MLLT11: variants seen among roughly 807,000 people sequenced by gnomAD.
MLLT11 encodes protein AF1q.
Under a neutral mutation model 5.3 loss-of-function variants are expected in MLLT11, and 1 was observed. That is an observed-to-expected ratio of 0.19 (90% CI 0.07 to 0.89). The LOEUF is 0.89. Among genes scored for constraint, MLLT11 ranks in the 40% least tolerant of loss-of-function variants. The pLI is 0.67. For synonymous variants in MLLT11, 38 were observed against 41.7 expected (o/e 0.91, Z 0.34); for missense variants, 87 against 107.3 (o/e 0.81, Z 0.83).
At chr1:151,063,489 T>C (rs1676434208) in intron 1 of MLLT11, among the ~76,000 whole-genome samples, 1 of 151,992 alleles carries the variant, frequency 6.6e-6, no homozygotes, top group Non-Finnish European at 1.5e-5. Context: ...GCAGTGGCGC[T>C]ATCTCAGCTC....
chr1:151,065,185 A>G (rs2102980653), intron 1 of MLLT11, among the ~76,000 whole-genome samples: 1 of 152,268 alleles, frequency 6.6e-6, no homozygotes, highest in East Asian at 1.9e-4. Context: ...GTCTTATTTT[A>G]TGTTCTTGAC....
intron 1 of MLLT11, among the ~76,000 whole-genome samples, 151 bp downstream of exon 1, chr1:151,060,704 T>C (rs1042621533): frequency 7.9e-5 from 12 of 152,208 alleles, no homozygotes; most frequent in African/African-American, 2.9e-4. Context: ...CTTCACAGCA[T>C]CCATGCCTTG....
rs1484271470 is a variant in MLLT11, at chr1:151,069,171, G to A, written c.*1674G>A. On this transcript the variant is annotated 3_prime_UTR_variant, in exon 2 of 2. Coordinates refer to ENST00000368921, the MANE Select transcript of MLLT11 (RefSeq NM_006818.4). ...GTTTTTGTGTGCCTGCTATAGGAAA[G>A]CACTGAGCCAAACAGAATGTAAACG... Among the ~76,000 whole-genome samples the A allele has an allele frequency of 6.6e-6, 1 of 152,106 alleles. No individual in the cohort carries two copies. The highest frequency in any genetic ancestry group is 2.4e-5 in the African/African-American group (1 of 41,422).
intron 1 of MLLT11, among the ~76,000 whole-genome samples, chr1:151,064,850 C>T (rs190216972): frequency 2.6e-5 from 4 of 152,206 alleles, no homozygotes; most frequent in South Asian, 2.1e-4. Flanking sequence ...TCTCTAAGAA[C>T]AGAGTGATAA....
In MLLT11 at chr1:151,067,729, A is replaced by C. The variant is rs1676494724; in HGVS notation, c.*232A>C. The C allele has an allele frequency of 1.8e-6, 1 of 570,012 alleles. No homozygotes were observed. The highest frequency in any genetic ancestry group is 1.9e-5 in the African/African-American group (1 of 53,110). The allele number at this position is 570,012 out of a possible 1,614,324, so 35.3% of individuals were successfully genotyped here. ...TTCAAGCAATGGAGTACTGGGTCAC[A>C]GGGATTCCTCCTTTCCCCCCCAAAT... On this transcript the variant is annotated 3_prime_UTR_variant, in exon 2 of 2. Transcript: ENST00000368921.
rs992488047 is a variant in MLLT11 at position 151,068,654 on chromosome 1, C to G, written c.*1157C>G. 6.6e-6 allele frequency among the ~76,000 whole-genome samples: 1 copy of G among 152,100 alleles called. No homozygotes were observed. The highest frequency in any genetic ancestry group is 1.5e-5 in the Non-Finnish European group (1 of 68,016). ...GCTGGAGTGCAGTGGCGGGGATCAC[C>G]GCTCACTGCAACCTCCACCCACCAG... On this transcript the variant is annotated 3_prime_UTR_variant, in exon 2 of 2. Coordinates refer to ENST00000368921, the MANE Select transcript of MLLT11 (RefSeq NM_006818.4).
rs921285275 is a variant in MLLT11 at position 151,060,550 on chromosome 1, A to G, written c.-10A>G. 6.6e-6 allele frequency: 1 copy of G among 152,198 alleles called. No individual in the cohort carries two copies. Among genetic ancestry groups the G allele is most frequent in the African/African-American group, 2.4e-5 (1 of 41,440 alleles). The allele number at this position is 152,198 out of a possible 1,614,324, so 9.4% of individuals were successfully genotyped here. On this transcript the variant is annotated 5_prime_UTR_variant, in exon 1 of 2. Transcript: ENST00000368921. ...GGAACACGCCAGTAATTGATTGATAACAGGTAAACCAAACTGAGGGAGGGG... is the reference window on the plus strand; with the variant it reads ...GGAACACGCCAGTAATTGATTGATAGCAGGTAAACCAAACTGAGGGAGGGG...
rs59816793 is a variant in MLLT11 at position 151,066,970 on chromosome 1, T to G, written c.-6-249T>G. ...AAAGTAGAAATTCATAATAAAGGGT[T>G]TCTGAAGCTTGTCCAAGGGAACTTG... On this transcript the variant is annotated intron_variant, in intron 1 of 1. Coordinates refer to ENST00000368921, the MANE Select transcript of MLLT11 (RefSeq NM_006818.4). 3.5e-3 allele frequency among the ~76,000 whole-genome samples: 537 copies of G among 152,156 alleles called. 2 individuals are homozygous for G. The highest frequency in any genetic ancestry group is 0.012 in the African/African-American group (516 of 41,520).
chr1:151,067,779 C>G lies in MLLT11; in HGVS notation c.*282C>G, dbSNP rs999160310. The G allele has an allele frequency of 1.2e-5, 6 of 484,584 alleles. No homozygotes were observed. The highest frequency in any genetic ancestry group is 1.9e-5 in the African/African-American group (1 of 52,006). 30.0% of individuals were successfully genotyped at this position (484,584 alleles called of 1,614,324 possible). ...TATTAACTCCAGAAACTAGGCCTGACTGGGGACACCTGAGAGTAGTATAGT... is the reference window on the plus strand; with the variant it reads ...TATTAACTCCAGAAACTAGGCCTGAGTGGGGACACCTGAGAGTAGTATAGT... On this transcript the variant is annotated 3_prime_UTR_variant, in exon 2 of 2. Transcript: ENST00000368921.
At chr1:151,066,575 T>TA (rs1336508628) in intron 1 of MLLT11, among the ~76,000 whole-genome samples, 3 of 152,106 alleles carry the variant, frequency 2.0e-5, no homozygotes, top group Non-Finnish European at 2.9e-5. Context: ...AGACCCAAGA[T>TA]CAATTTGATG....
chr1:151,060,904 G>C (rs976790443), intron 1 of MLLT11, among the ~76,000 whole-genome samples: 10 of 151,984 alleles, frequency 6.6e-5, no homozygotes, highest in African/African-American at 2.4e-4. Flanking sequence ...GTATCTCTCT[G>C]TCCTCTACTT....
chr1:151,066,077 T>A (rs1471660646), intron 1 of MLLT11, among the ~76,000 whole-genome samples: 2 of 152,116 alleles, frequency 1.3e-5, no homozygotes, highest in African/African-American at 2.4e-5. Context: ...TAGTCTCAAG[T>A]CATCCGCCTG....
chr1:151,060,830 G>C (rs1676394481), intron 1 of MLLT11, among the ~76,000 whole-genome samples: 1 of 152,088 alleles, frequency 6.6e-6, no homozygotes, highest in African/African-American at 2.4e-5. Context: ...AATATCTTCA[G>C]TCTACTTATC....
At chr1:151,063,426 T>TTTA (rs587714955) in intron 1 of MLLT11, among the ~76,000 whole-genome samples, 2,078 of 151,964 alleles carry the variant, frequency 0.014, 18 homozygotes, top group Non-Finnish European at 0.021. Flanking sequence ...TTTTTATTTA[T>TTTA]TTATTATTAT....
Position 151,062,523 on chromosome 1 carries a change from T to C in MLLT11, c.-7+1970T>C, listed in dbSNP as rs587748037. Among the ~76,000 whole-genome samples the C allele has an allele frequency of 4.6e-5, 7 of 152,056 alleles. No individual in the cohort carries two copies. The South Asian group carries it at 1.5e-3, about 32-fold the overall frequency. ...GATTATAGGCGCCTGCCACCACACC[T>C]GGCTAATTTTTGTATTTTTAGTAAA... On this transcript the variant is annotated intron_variant, in intron 1 of 1. Transcript: ENST00000368921.
At chr1:151,064,209 C>T (rs1053391501) in intron 1 of MLLT11, among the ~76,000 whole-genome samples, 3 of 152,104 alleles carry the variant, frequency 2.0e-5, no homozygotes, top group Non-Finnish European at 2.9e-5. Context: ...TTAATAGAGA[C>T]AGGATTTCAC....
chr1:151,060,891 A>G (rs1676395407), intron 1 of MLLT11, among the ~76,000 whole-genome samples: 2 of 151,912 alleles, frequency 1.3e-5, no homozygotes, highest in African/African-American at 4.8e-5. Context: ...TTTTAGTCCT[A>G]CTGTATCTCT....
chr1:151,067,216 T>C lies in MLLT11; in HGVS notation c.-6-3T>C, dbSNP rs1676486828. ...TGAAGACTGACAAGTGGTTTCTTTC[T>C]AGGAAGCTATGAGGGACCCTGTGAG... On this transcript the variant is annotated splice_polypyrimidine_tract_variant and splice_region_variant and intron_variant, in intron 1 of 1. Coordinates refer to ENST00000368921, the MANE Select transcript of MLLT11 (RefSeq NM_006818.4). 6.2e-7 allele frequency: 1 copy of C among 1,609,728 alleles called. No individual in the cohort carries two copies. The highest frequency in any genetic ancestry group is 1.7e-5 in the Admixed American group (1 of 59,444).
chr1:151,068,805 T>G lies in MLLT11; in HGVS notation c.*1308T>G, dbSNP rs1676513250. Among the ~76,000 whole-genome samples, 2 of 152,154 alleles carry G rather than the reference T, an allele frequency of 1.3e-5. No individual in the cohort carries two copies. Among genetic ancestry groups the G allele is most frequent in the African/African-American group, 2.4e-5 (1 of 41,442 alleles). ...TCACCATGTTGGCCAGGCTGGTCTC[T>G]AACTCCTGACCTCAGGTGATCTGCC... On this transcript the variant is annotated 3_prime_UTR_variant, in exon 2 of 2. Transcript: ENST00000368921.
Sources: allele counts gnomAD v4.1 joint callset (sites outside exome capture counted in the v4.1 genomes callset), GRCh38; gene constraint gnomAD v4.1.1; transcripts MANE v1.5; gene names NCBI Gene and HGNC (gene_info 2026-07-23, HGNC 2026-07-21).